The following CLASRP variants were observed in gnomAD, a reference collection of about 807,000 sequenced individuals.
CLASRP encodes the protein CLK4-associating serine/arginine rich protein.
CLASRP carries 52 observed loss-of-function variants against 99.9 expected under a neutral mutation model. The ratio of observed to expected loss-of-function variants is 0.52; its 90% confidence interval spans 0.42 to 0.66. The LOEUF is 0.66. Ranked by LOEUF, CLASRP falls within the 30% of genes least tolerant of loss-of-function variation. CLASRP has a pLI of 0.00. For missense variants in CLASRP, 848 were observed against 999.2 expected, an observed-to-expected ratio of 0.85 and a Z score of 2.04; for synonymous variants, 379 against 373.0, an observed-to-expected ratio of 1.02 and a Z score of -0.18.
rs777546898 is a variant in CLASRP at position 45,064,150 on chromosome 19, A to G, written c.1044A>G (p.Ala348=). ...CCGCAGCCGCTGCTGCCGCAGCAGC[A>G]TCAGGAGTCACCACAGGGAAGCCCC... ...EAAAAAAAAA[A]SGVTTGKPPA... Residue 348 remains alanine (A), a synonymous_variant, in exon 12 of 21, where the codon GCA becomes GCG. Coordinates refer to ENST00000221455, the MANE Select transcript of CLASRP (RefSeq NM_007056.3). The G allele has an allele frequency of 2.9e-5, 47 of 1,611,280 alleles. No individual in the cohort carries two copies. In the South Asian group the frequency reaches 5.2e-4, roughly 18 times the overall value.
chr19:45,055,645 C>A (rs781162193), intron 5 of CLASRP, among the ~76,000 whole-genome samples: 4 of 152,112 alleles, frequency 2.6e-5, no homozygotes, highest in Non-Finnish European at 2.9e-5. Context: ...ACCAGCCTGA[C>A]CAATATGGAG....
rs748178764 is a variant in CLASRP, at chr19:45,068,431, G to A, written c.1719G>A (p.Thr573=). 75 of 1,585,252 alleles carry A rather than the reference G, an allele frequency of 4.7e-5. No homozygotes were observed. Among genetic ancestry groups the A allele is most frequent in the Non-Finnish European group, 5.5e-5 (64 of 1,160,408 alleles). Residue 573 remains threonine (T), a synonymous_variant, in exon 16 of 21, where the codon ACG becomes ACA. Coordinates refer to ENST00000221455, the MANE Select transcript of CLASRP (RefSeq NM_007056.3). ...KETGAAKPKL[T]PQEKLKLRMQ... is the part of the protein sequence containing the mutation. ...TCCCCCCTCCCCAGCCCAAGCTGAC[G>A]CCTCAGGAGAAGCTGAAACTGAGGA...
At chr19:45,070,137 G>A (rs1184793766) in intron 19 of CLASRP, 33 bp downstream of exon 19, 2 of 1,344,330 alleles carry the variant, frequency 1.5e-6, no homozygotes, top group Non-Finnish European at 2.1e-6. Flanking sequence ...AGGGCTCTGG[G>A]GCTTTAAAGA....
chr19:45,065,462 G>A (rs944843229), intron 13 of CLASRP, among the ~76,000 whole-genome samples: 2 of 151,898 alleles, frequency 1.3e-5, no homozygotes, highest in Admixed American at 6.6e-5. Context: ...GCAGGAGGCT[G>A]AGGCACGAGA....
chr19:45,069,631 C>T (rs1410542004), intron 18 of CLASRP: 4 of 455,144 alleles, frequency 8.8e-6, no homozygotes, highest in Non-Finnish European at 1.6e-5. Flanking sequence ...TGTCCCACCT[C>T]ACAGGCTGTT....
intron 2 of CLASRP, 158 bp downstream of exon 2, chr19:45,040,469 G>A: frequency 1.8e-6 from 1 of 556,190 alleles, no homozygotes; most frequent in Non-Finnish European, 3.3e-6. Context: ...TCATTGGTGG[G>A]ATCCCAAGGG....
rs1966950105 is a variant in CLASRP, at chr19:45,062,039, C to T, written c.864-115C>T. 5 of 752,036 alleles carry T rather than the reference C, an allele frequency of 6.6e-6. No individual in the cohort carries two copies. The Admixed American group carries it at 9.9e-5, about 15-fold the overall frequency. The allele number at this position is 752,036 out of a possible 1,614,324, so 46.6% of individuals were successfully genotyped here. A position where few individuals can be genotyped will look rare whatever the true frequency, so the allele number is the denominator to read the frequency against. On this transcript the variant is annotated intron_variant, in intron 10 of 20. Coordinates refer to ENST00000221455, the MANE Select transcript of CLASRP (RefSeq NM_007056.3). Reference sequence around the variant, plus strand: ...GAGGCCCCCAACCTGGTCAGCAGCCCCCTCACTGTGCCAGGTACCTAGCTT... The same window carrying T: ...GAGGCCCCCAACCTGGTCAGCAGCCTCCTCACTGTGCCAGGTACCTAGCTT...
At chr19:45,056,632 C>T (rs942647973) in intron 6 of CLASRP, 98 bp downstream of exon 6, 37 of 935,390 alleles carry the variant, frequency 4.0e-5, no homozygotes, top group African/African-American at 3.4e-4. Context: ...AGGGTCTCCC[C>T]GAAACCAAGG....
intron 11 of CLASRP, among the ~76,000 whole-genome samples, chr19:45,063,085 G>A (rs1446116091): frequency 6.6e-6 from 1 of 152,000 alleles, no homozygotes; most frequent in African/African-American, 2.4e-5. Context: ...AAAGGTGTAG[G>A]TTAGTGCTCC....
At chr19:45,051,279 C>T (rs1011640010) in intron 2 of CLASRP, among the ~76,000 whole-genome samples, 4 of 152,028 alleles carry the variant, frequency 2.6e-5, no homozygotes, top group Non-Finnish European at 4.4e-5. Context: ...TGAGCCACCA[C>T]CTCGAGAGGA....
intron 2 of CLASRP, among the ~76,000 whole-genome samples, chr19:45,042,872 C>T (rs898626296): frequency 6.6e-6 from 1 of 152,164 alleles, no homozygotes; most frequent in African/African-American, 2.4e-5. Context: ...TTGCCTCGGC[C>T]TCCCAAAGTG....
intron 15 of CLASRP, 54 bp from the exon 16 acceptor site, chr19:45,068,366 G>T: frequency 2.5e-6 from 2 of 804,758 alleles, no homozygotes; most frequent in East Asian, 2.8e-5. Context: ...GAGGTGGGTT[G>T]TGGGAGCTCT....
In CLASRP at chr19:45,064,597, G is replaced by A. The variant is rs759037180; in HGVS notation, c.1376G>A (p.Arg459Gln). 82 of 1,549,962 alleles carry A rather than the reference G, an allele frequency of 5.3e-5. No individual in the cohort carries two copies. The highest frequency in any genetic ancestry group is 6.8e-5 in the Non-Finnish European group (79 of 1,153,312). ...CACCGGTACTCCCGCTCGCCCGCCC[G>A]GCGTGGTGGTTACGGGCCCCGGCGC... ...DGHRYSRSPA[R>Q]RGGYGPRRRS... The change falls in exon 13 of 21, where the codon CGG becomes CAG. Residue 459 changes from arginine to glutamine, a missense_variant. Coordinates refer to ENST00000221455, the MANE Select transcript of CLASRP (RefSeq NM_007056.3).
chr19:45,064,120 G>GGCAGCC lies in CLASRP; in HGVS notation c.1023_1028dup (p.Ala347_Ala348dup), dbSNP rs1343877413. The stretch of plus-strand genomic sequence containing the variant: ...CCAGTTTTGGGGGCAGCGATGAGGA[G>GGCAGCC]GCAGCCGCAGCCGCTGCTGCCGCAG... On this transcript the variant is annotated inframe_insertion, in exon 12 of 21. Coordinates refer to ENST00000221455, the MANE Select transcript of CLASRP (RefSeq NM_007056.3). 2.5e-6 allele frequency: 4 copies of GGCAGCC among 1,610,904 alleles called. No individual in the cohort carries two copies. Among genetic ancestry groups the GGCAGCC allele is most frequent in the African/African-American group, 1.3e-5 (1 of 74,862 alleles).
chr19:45,056,848 C>G (rs1972128086), intron 6 of CLASRP, among the ~76,000 whole-genome samples: 1 of 152,176 alleles, frequency 6.6e-6, no homozygotes, highest in Admixed American at 6.5e-5. Context: ...TGCTGTGCTT[C>G]CCTGTAAAAT....
chr19:45,054,870 G>A (rs1972093473), intron 5 of CLASRP, among the ~76,000 whole-genome samples: 1 of 152,186 alleles, frequency 6.6e-6, no homozygotes, highest in African/African-American at 2.4e-5. Flanking sequence ...GCCTGGCACA[G>A]TCAGCCCTCC....
At chr19:45,068,309 T>TGTG in intron 15 of CLASRP, 111 bp from the exon 16 acceptor site, 4 of 651,134 alleles carry the variant, frequency 6.1e-6, no homozygotes, top group East Asian at 2.8e-5. Flanking sequence ...CCCACGTCGT[T>TGTG]CTCCCCCCCC....
chr19:45,048,754 G>A (rs1422250737), intron 2 of CLASRP, among the ~76,000 whole-genome samples: 7 of 151,984 alleles, frequency 4.6e-5, no homozygotes, highest in South Asian at 2.1e-4. Flanking sequence ...TTGGGAGGCC[G>A]AGGCAGGCGG....
chr19:45,064,574 C>G lies in CLASRP; in HGVS notation c.1353C>G (p.His451Gln). ...CAGGTGGGGGCTCCCGAGACGGACA[C>G]CGGTACTCCCGCTCGCCCGCCCGGC... ...RHSGGGSRDG[H>Q]RYSRSPARRG... Residue 451 changes from histidine to glutamine, a missense_variant, in exon 13 of 21, where the codon CAC becomes CAG. Physicochemically the swap from His to Gln is conservative, Grantham distance 24. Transcript: ENST00000221455. 1 of 1,541,668 alleles carries G rather than the reference C, an allele frequency of 6.5e-7. No homozygotes were observed. The highest frequency in any genetic ancestry group is 8.7e-7 in the Non-Finnish European group (1 of 1,148,362).
Sources: allele counts gnomAD v4.1 joint callset (sites outside exome capture counted in the v4.1 genomes callset), GRCh38; gene constraint gnomAD v4.1.1; transcripts MANE v1.5; gene names NCBI Gene and HGNC (gene_info 2026-07-23, HGNC 2026-07-21).